CD22: variants seen among roughly 807,000 people sequenced by gnomAD.
The protein encoded by CD22 is CD22 molecule.
A neutral mutation model predicts 94.7 loss-of-function variants in CD22; 51 were observed. The ratio of observed to expected loss-of-function variants is 0.54; its 90% CI spans 0.43 to 0.68. The LOEUF is 0.68. Among genes scored for constraint, CD22 ranks in the 30% least tolerant of loss-of-function variants. The probability of loss-of-function intolerance (pLI) is 0.00; values close to 1 mark genes in which losing one functional copy is unlikely to be tolerated. For missense variants in CD22, 931 were observed against 1,060.4 expected (o/e 0.88, Z 1.69); for synonymous variants, 424 against 422.5 (o/e 1.00, Z -0.04).
intron 9 of CD22, among the ~76,000 whole-genome samples, chr19:35,342,466 T>A (rs764886332): frequency 1.3e-5 from 2 of 152,046 alleles, no homozygotes; most frequent in Non-Finnish European, 2.9e-5. Flanking sequence ...ACTGTGCCTC[T>A]CCCTGTTTCC....
chr19:35,345,529 C>A, intron 11 of CD22, 73 bp from the exon 12 acceptor site: 1 of 879,062 alleles, frequency 1.1e-6, no homozygotes, highest in South Asian at 1.5e-5. Context: ...GAGACCTGGG[C>A]TGTCAGAGGC....
Position 35,332,551 on chromosome 19 carries a change from A to C in CD22, c.39A>C (p.Leu13=), listed in dbSNP as rs760709640. ...LLGPWLLLLV[L]EYLAFSDSSK... Reference sequence around the variant, plus strand: ...CTTTCTGATCACTGTGGTGAGTTCTAGAATACTTGGCTTTCTCTGACTCAA... The same window carrying C: ...CTTTCTGATCACTGTGGTGAGTTCTCGAATACTTGGCTTTCTCTGACTCAA... Residue 13 remains leucine, a synonymous_variant, in exon 3 of 14, where the codon CTA becomes CTC. Coordinates refer to ENST00000085219, the MANE Select transcript of CD22 (RefSeq NM_001771.4). The C allele has an allele frequency of 6.2e-7, 1 of 1,611,640 alleles. No homozygotes were observed. Among genetic ancestry groups the C allele is most frequent in the Non-Finnish European group, 8.5e-7 (1 of 1,178,906 alleles).
At chr19:35,335,839 A>G (rs1181553864) in intron 3 of CD22, among the ~76,000 whole-genome samples, 197 bp from the exon 4 acceptor site, 1 of 152,116 alleles carries the variant, frequency 6.6e-6, no homozygotes, top group Non-Finnish European at 1.5e-5. Context: ...TGGGTGACAG[A>G]GGGAAACTCC....
intron 6 of CD22, among the ~76,000 whole-genome samples, chr19:35,340,283 G>T (rs569087965): frequency 6.6e-6 from 1 of 151,022 alleles, no homozygotes; most frequent in Non-Finnish European, 1.5e-5. Context: ...CACCCACCCC[G>T]CACTGCCTCT....
At position 35,340,964 on chromosome 19, in the gene CD22, A is replaced by G. The variant is rs566813969; in HGVS notation, c.1333A>G (p.Asn445Asp). 6.8e-6 allele frequency: 11 copies of G among 1,614,088 alleles called. No individual in the cohort carries two copies. The South Asian group carries it at 9.9e-5, about 14-fold the overall frequency. ...CACAGTGACCCTTTCCTGTAACTAC[A>G]ATTCCAGTAACCCCAGTGTTACCCG... ...GDTVTLSCNY[N>D]SSNPSVTRYE... The change falls in exon 7 of 14, where the codon AAT becomes GAT. Residue 445 changes from asparagine to aspartate, a missense_variant. Transcript: ENST00000085219.
chr19:35,336,363 G>A (rs1258973472), intron 4 of CD22, 22 bp downstream of exon 4: 4 of 1,608,498 alleles, frequency 2.5e-6, no homozygotes, highest in Non-Finnish European at 3.4e-6. Context: ...CGGCATGCCT[G>A]TGGGAAGGGC....
At chr19:35,335,844 A>T (rs1483515353) in intron 3 of CD22, among the ~76,000 whole-genome samples, 192 bp from the exon 4 acceptor site, 1 of 151,942 alleles carries the variant, frequency 6.6e-6, no homozygotes, top group African/African-American at 2.4e-5. Flanking sequence ...GACAGAGGGA[A>T]ACTCCATCTC....
rs773833383 is a variant in CD22 at position 35,346,114 on chromosome 19, GCTT to G, written c.2328-35_2328-33del. The G allele has an allele frequency of 5.9e-5, 88 of 1,496,424 alleles. 1 individual carries two copies. In the South Asian group the frequency reaches 9.6e-4, roughly 16 times the overall value. 92.7% of individuals were successfully genotyped at this position (1,496,424 alleles called of 1,614,324 possible). On this transcript the variant is annotated intron_variant, in intron 12 of 13. Coordinates refer to ENST00000085219, the MANE Select transcript of CD22 (RefSeq NM_001771.4). Reference sequence around the variant, plus strand: ...AGAGGGAGGAGAGTTCGTGGGAGATGCTTCATGCGTGGTCGTCTATCTGCCCTG... The same window carrying G: ...AGAGGGAGGAGAGTTCGTGGGAGATGCATGCGTGGTCGTCTATCTGCCCTG...
At chr19:35,342,481 A>C in intron 9 of CD22, among the ~76,000 whole-genome samples, 1 of 151,746 alleles carries the variant, frequency 6.6e-6, no homozygotes, top group Non-Finnish European at 1.5e-5. Flanking sequence ...GTTTCCTCTC[A>C]TGCTCCTCTC....
At chr19:35,338,714 C>T (rs1599681706) in intron 6 of CD22, among the ~76,000 whole-genome samples, 1 of 151,960 alleles carries the variant, frequency 6.6e-6, no homozygotes, top group East Asian at 2.0e-4. Flanking sequence ...CTGCAAGCTC[C>T]ACCTTCCCGG....
chr19:35,334,817 G>A (rs2267576), intron 3 of CD22, among the ~76,000 whole-genome samples: 15,352 of 151,856 alleles, frequency 0.1, 1,009 homozygotes, highest in East Asian at 0.19. Flanking sequence ...GGTGGCTCAC[G>A]CCTGTAATCC....
At chr19:35,331,919 G>T in intron 1 of CD22, 100 bp from the exon 2 acceptor site, 2 of 1,593,438 alleles carry the variant, frequency 1.3e-6, no homozygotes, top group South Asian at 1.1e-5. Context: ...CGGTCCTCCC[G>T]GATCCAGGGG....
rs118047424 is a variant in CD22, at chr19:35,337,870, C to T, written c.834C>T (p.Ser278=). The change falls in exon 5 of 14, where the codon TCC becomes TCT. Residue 278 remains serine (S), a synonymous_variant. Coordinates refer to ENST00000085219, the MANE Select transcript of CD22 (RefSeq NM_001771.4). This position sits in a 1 kb window ranked among gnomAD's most constrained non-coding sequence, Gnocchi z 4.4. ...SSSNPEYTTV[S]WLKDGTSLKK... ...GCAACCCGGAGTACACGACGGTATC[C>T]TGGCTCAAGGATGGGACCTCGCTGA... is the stretch of plus-strand genomic sequence containing the variant. The T allele has an allele frequency of 5.2e-3, 8,415 of 1,614,208 alleles. 321 individuals are homozygous for T. In the South Asian group the frequency reaches 0.062, roughly 12 times the overall value.
rs200067237 is a variant in CD22 at position 35,341,748 on chromosome 19, G to A, written c.1818G>A (p.Val606=). 114 of 1,611,600 alleles carry A rather than the reference G, an allele frequency of 7.1e-5. 1 individual carries two copies. The highest frequency in any genetic ancestry group is 1.6e-4 in the Middle Eastern group (1 of 6,062). The change falls in exon 9 of 14, where the codon GTG becomes GTA. Residue 606 remains valine (V), a synonymous_variant. Coordinates refer to ENST00000085219, the MANE Select transcript of CD22 (RefSeq NM_001771.4). The surrounding 1 kb of genome is among the most constrained non-coding windows in gnomAD (Gnocchi z 4.0). ...TGTCCATGAGCCCGGGGGACCAAGT[G>A]ATGGAGGGGAAGAGTGCAACCCTGA... is the stretch of plus-strand genomic sequence containing the variant. ...LRVSMSPGDQ[V]MEGKSATLTC...
Position 35,341,336 on chromosome 19 carries a change from C to G in CD22, c.1508-7C>G, listed in dbSNP as rs2066804955. ...GGAGAGGTCAGCTTGGGACCCTTGC[C>G]CTCCAGATGCCCCCCGAGACGTGAG... is the stretch of plus-strand genomic sequence containing the variant. On this transcript the variant is annotated splice_region_variant and splice_polypyrimidine_tract_variant and intron_variant, in intron 7 of 13. Coordinates refer to ENST00000085219, the MANE Select transcript of CD22 (RefSeq NM_001771.4). The surrounding 1 kb of genome is among the most constrained non-coding windows in gnomAD (Gnocchi z 4.0). The G allele has an allele frequency of 7.4e-6, 12 of 1,612,482 alleles. No individual in the cohort carries two copies. The highest frequency in any genetic ancestry group is 1.0e-5 in the Non-Finnish European group (12 of 1,178,952).
At position 35,341,575 on chromosome 19, in the gene CD22, A is replaced by G. The variant is rs1382044949; in HGVS notation, c.1740A>G (p.Thr580=). The change falls in exon 8 of 14, where the codon ACA becomes ACG. Residue 580 remains threonine (T), a synonymous_variant. Coordinates refer to ENST00000085219, the MANE Select transcript of CD22 (RefSeq NM_001771.4). This position sits in a 1 kb window ranked among gnomAD's most constrained non-coding sequence, Gnocchi z 4.0. ...GGGTGAACAACTCCATAGGACAGAC[A>G]GCGTCCAAGGCCTGGACACTTGAAG... The part of the protein sequence containing the change: ...SCWVNNSIGQ[T]ASKAWTLEVL... 2 of 1,613,536 alleles carry G rather than the reference A, an allele frequency of 1.2e-6. No individual in the cohort carries two copies. The highest frequency in any genetic ancestry group is 1.7e-6 in the Non-Finnish European group (2 of 1,179,674).
In CD22 at chr19:35,346,846, G is replaced by A. The variant is rs2066917203; in HGVS notation, c.*149G>A. The stretch of plus-strand genomic sequence containing the variant: ...CACACACACACACACACTCACTGCG[G>A]AGAACCTTGTGCCTGGCTCAGAGCC... On this transcript the variant is annotated 3_prime_UTR_variant, in exon 14 of 14. Coordinates refer to ENST00000085219, the MANE Select transcript of CD22 (RefSeq NM_001771.4). The A allele has an allele frequency of 1.2e-6, 1 of 809,102 alleles. No individual in the cohort carries two copies. Among genetic ancestry groups the A allele is most frequent in the Non-Finnish European group, 1.9e-6 (1 of 532,718 alleles). 50.1% of individuals were successfully genotyped at this position (809,102 alleles called of 1,614,324 possible). A position where few individuals can be genotyped will look rare whatever the true frequency, so the allele number is the denominator to read the frequency against.
intron 2 of CD22, 195 bp from the exon 3 acceptor site, chr19:35,332,352 C>T (rs2066657435): frequency 1.5e-6 from 1 of 675,450 alleles, no homozygotes; most frequent in African/African-American, 1.8e-5. Flanking sequence ...TGGCTCATGC[C>T]TGAAATCTCA....
At chr19:35,342,097 T>G in intron 9 of CD22, 132 bp downstream of exon 9, 2 of 723,576 alleles carry the variant, frequency 2.8e-6, no homozygotes, top group South Asian at 3.9e-5. Context: ...CTTCCCCTCC[T>G]CCTCCTCTTC....
Sources: allele counts gnomAD v4.1 joint callset (sites outside exome capture counted in the v4.1 genomes callset), GRCh38; gene constraint gnomAD v4.1.1; non-coding constraint Gnocchi (gnomAD v3.1); transcripts MANE v1.5; gene names NCBI Gene and HGNC (gene_info 2026-07-23, HGNC 2026-07-21).